The following EPB41L5 variants were observed in gnomAD, a reference collection of about 807,000 sequenced individuals.
The protein encoded by EPB41L5 is band 4.1-like protein 5.
Under a neutral mutation model 106.6 loss-of-function variants are expected in EPB41L5, and 55 were observed. The ratio of observed to expected loss-of-function variants is 0.52; its 90% CI spans 0.42 to 0.65. The LOEUF is 0.65. Among genes scored for constraint, EPB41L5 ranks in the 30% least tolerant of loss-of-function variants. The probability of loss-of-function intolerance (pLI) is 0.00; values close to 1 mark genes in which losing one functional copy is unlikely to be tolerated. For synonymous variants in EPB41L5, 297 were observed against 306.7 expected (o/e 0.97, Z 0.33); for missense variants, 871 against 882.1 (o/e 0.99, Z 0.16).
intron 19 of EPB41L5, 115 bp downstream of exon 19, chr2:120,143,246 TTAAAAAA>T: frequency 8.3e-7 from 1 of 1,206,460 alleles, no homozygotes; most frequent in Non-Finnish European, 1.1e-6. Context: ...AGTCAGGGAG[TTAAAAAA>T]TAAGAGTAAA....
At chr2:120,093,186 A>G (rs934059696) in intron 13 of EPB41L5, 63 bp from the exon 14 acceptor site, 4 of 1,342,614 alleles carry the variant, frequency 3.0e-6, no homozygotes, top group African/African-American at 2.9e-5. Flanking sequence ...TTTGCTTTGA[A>G]TAGTGCAGCA....
At position 120,042,549 on chromosome 2, in the gene EPB41L5, C is replaced by G. The variant is rs113836786; in HGVS notation, c.285+439C>G. On this transcript the variant is annotated intron_variant, in intron 3 of 24. Transcript: ENST00000263713. ...CCCTTTCAGATCTGTGATTCTGTAT[C>G]TATAAATAGTGGTACTTCGACATGC... 2.9e-3 allele frequency among the ~76,000 whole-genome samples: 447 copies of G among 152,234 alleles called. 1 individual carries two copies. Among genetic ancestry groups the G allele is most frequent in the African/African-American group, 8.7e-3 (363 of 41,546 alleles).
At chr2:120,123,481 C>G (rs1274412365) in intron 16 of EPB41L5, among the ~76,000 whole-genome samples, 3 of 151,970 alleles carry the variant, frequency 2.0e-5, no homozygotes, top group Non-Finnish European at 2.9e-5. Flanking sequence ...CAACTTTTCC[C>G]CATTTCTAGC....
At chr2:120,020,097 G>A (rs1677821437) in intron 2 of EPB41L5, among the ~76,000 whole-genome samples, 1 of 152,106 alleles carries the variant, frequency 6.6e-6, no homozygotes, top group South Asian at 2.1e-4. Context: ...TCTTTCTCAT[G>A]TCTTTGTTCT....
intron 16 of EPB41L5, among the ~76,000 whole-genome samples, chr2:120,107,664 G>T (rs1372338637): frequency 6.6e-6 from 1 of 152,104 alleles, no homozygotes; most frequent in Non-Finnish European, 1.5e-5. Flanking sequence ...ATGAATCGTG[G>T]ATTTAGATAT....
chr2:120,039,709 C>T (rs973997276), intron 2 of EPB41L5, among the ~76,000 whole-genome samples: 2 of 151,834 alleles, frequency 1.3e-5, no homozygotes, highest in Non-Finnish European at 2.9e-5. Flanking sequence ...CCTGTAATCC[C>T]AGCTACTCGG....
At chr2:120,070,819 G>A (rs969206687) in intron 3 of EPB41L5, among the ~76,000 whole-genome samples, 1 of 152,044 alleles carries the variant, frequency 6.6e-6, no homozygotes, top group Non-Finnish European at 1.5e-5. Flanking sequence ...AATAAACTAG[G>A]TATTGATAGA....
At chr2:120,041,501 T>C (rs1679401720) in intron 2 of EPB41L5, among the ~76,000 whole-genome samples, 2 of 152,182 alleles carry the variant, frequency 1.3e-5, no homozygotes, top group African/African-American at 4.8e-5. Flanking sequence ...CTCCCAGTTT[T>C]ATTATTTCTT....
chr2:120,106,454 T>A, intron 16 of EPB41L5: 1 of 985,306 alleles, frequency 1.0e-6, no homozygotes, highest in South Asian at 4.7e-5. Context: ...TTAAATAAAT[T>A]GTCACCAACC....
At chr2:120,097,422 A>G (rs985947679) in intron 14 of EPB41L5, among the ~76,000 whole-genome samples, 2 of 152,222 alleles carry the variant, frequency 1.3e-5, no homozygotes, top group Non-Finnish European at 2.9e-5. Flanking sequence ...TGACCTGAAA[A>G]TCTTCTCGAC....
chr2:120,074,418 T>C (rs929546882), intron 5 of EPB41L5: 49 of 367,516 alleles, frequency 1.3e-4, no homozygotes, highest in Middle Eastern at 7.8e-4. Context: ...AGTGAGTTCT[T>C]TTTTTTAAGT....
rs150039379 is a variant in EPB41L5 at position 120,104,849 on chromosome 2, G to A, written c.1337+4035G>A. On this transcript the variant is annotated intron_variant, in intron 16 of 24. Coordinates refer to ENST00000263713, the MANE Select transcript of EPB41L5 (RefSeq NM_020909.4). ...AAGATTTAGAGATCACATTAATAATGTGGCTCATGTATAGAGAAATCTGAA... is the reference window on the plus strand; with the variant it reads ...AAGATTTAGAGATCACATTAATAATATGGCTCATGTATAGAGAAATCTGAA... 1.1e-4 allele frequency: 108 copies of A among 969,420 alleles called. No individual in the cohort carries two copies. In the African/African-American group the frequency reaches 1.6e-3, roughly 14 times the overall value. 60.1% of individuals were successfully genotyped at this position (969,420 alleles called of 1,614,324 possible). A position where few individuals can be genotyped will look rare whatever the true frequency, so the allele number is the denominator to read the frequency against.
chr2:120,055,043 T>G (rs1680553089), intron 3 of EPB41L5, among the ~76,000 whole-genome samples: 1 of 151,944 alleles, frequency 6.6e-6, no homozygotes. Context: ...ATTTTGCACC[T>G]TTAGCAGAGA....
chr2:120,056,771 A>T (rs929079550), intron 3 of EPB41L5, among the ~76,000 whole-genome samples: 1 of 150,918 alleles, frequency 6.6e-6, no homozygotes, highest in Non-Finnish European at 1.5e-5. Context: ...CTTGTGAAGG[A>T]TTAGTGTTAA....
At chr2:120,127,008 G>A (rs537078845) in intron 16 of EPB41L5, among the ~76,000 whole-genome samples, 3 of 152,128 alleles carry the variant, frequency 2.0e-5, no homozygotes, top group African/African-American at 7.2e-5. Context: ...CCCTTTTGAT[G>A]TTACTGTGAA....
rs1178238151 is a variant in EPB41L5 at position 120,123,646 on chromosome 2, C to CA, written c.1338-4042_1338-4041insA. On this transcript the variant is annotated intron_variant, in intron 16 of 24. Transcript: ENST00000263713. The stretch of plus-strand genomic sequence containing the variant: ...GAATGGGGATGGGGAGTGTTCGTCC[C>CA]TTTTTTTTTTTTTTTTTTTTTTTTT... Among the ~76,000 whole-genome samples the CA allele has an allele frequency of 1.3e-3, 92 of 68,338 alleles. 1 individual carries two copies. Among genetic ancestry groups the CA allele is most frequent in the Admixed American group, 2.7e-3 (13 of 4,744 alleles). 44.8% of individuals were successfully genotyped at this position (68,338 alleles called of 152,430 possible). A position where few individuals can be genotyped will look rare whatever the true frequency, so the allele number is the denominator to read the frequency against.
chr2:120,073,273 A>G, intron 4 of EPB41L5, 53 bp downstream of exon 4: 1 of 1,400,944 alleles, frequency 7.1e-7, no homozygotes, highest in African/African-American at 1.4e-5. Context: ...AATATATTAG[A>G]AATTCTGATT....
At chr2:120,151,835 T>C (rs908790303) in intron 20 of EPB41L5, among the ~76,000 whole-genome samples, 1 of 148,094 alleles carries the variant, frequency 6.8e-6, no homozygotes, top group Non-Finnish European at 1.5e-5. Flanking sequence ...CAGGCTAATC[T>C]TGAACTCCTG....
At chr2:120,039,963 T>C (rs1679297782) in intron 2 of EPB41L5, among the ~76,000 whole-genome samples, 1 of 152,052 alleles carries the variant, frequency 6.6e-6, no homozygotes, top group East Asian at 1.9e-4. Context: ...TATTCCTCAG[T>C]GAATTTGAAC....
Sources: gnomAD v4.1 joint callset for allele counts (sites outside exome capture counted in the v4.1 genomes callset) on GRCh38, gnomAD v4.1.1 for gene constraint, MANE v1.5 for transcripts, NCBI Gene and HGNC (gene_info 2026-07-23, HGNC 2026-07-21) for gene names.